SPNS3: variants seen among roughly 807,000 people sequenced by gnomAD.
SPNS3 encodes protein spinster homolog 3.
SPNS3 carries 51 observed loss-of-function variants against 54.4 expected under a neutral mutation model. The ratio of observed to expected loss-of-function variants is 0.94; its 90% confidence interval spans 0.75 to 1.18. The LOEUF is 1.18. Ranked by LOEUF, SPNS3 falls within the 50% of genes most tolerant of loss-of-function variation. The probability of loss-of-function intolerance (pLI) is 0.00; values close to 1 mark genes in which losing one functional copy is unlikely to be tolerated. For missense variants in SPNS3, 669 were observed against 677.4 expected (o/e 0.99, Z 0.14); for synonymous variants, 309 against 294.7 (o/e 1.05, Z -0.50).
intron 8 of SPNS3, among the ~76,000 whole-genome samples, chr17:4,457,707 G>A (rs910280838): frequency 5.3e-5 from 8 of 152,036 alleles, no homozygotes; most frequent in African/African-American, 1.9e-4. Context: ...GGTTCTGGGA[G>A]GTGCTCCTTG....
At position 4,486,416 on chromosome 17, in the gene SPNS3, C is replaced by G. The variant is rs762181224; in HGVS notation, c.1283C>G (p.Ser428Cys). 1.2e-6 allele frequency: 2 copies of G among 1,607,830 alleles called. No individual in the cohort carries two copies. Among genetic ancestry groups the G allele is most frequent in the Non-Finnish European group, 1.7e-6 (2 of 1,176,372 alleles). Reference protein sequence around the residue: ...AGSPYLTGLISSVLRARRPDS... With the variant: ...AGSPYLTGLICSVLRARRPDS... Reference sequence around the variant, plus strand: ...CTCATCCCTTCTCCTCCGCAGATCTCTAGTGTCCTGCGGGCCAGGCGCCCT... The same window carrying G: ...CTCATCCCTTCTCCTCCGCAGATCTGTAGTGTCCTGCGGGCCAGGCGCCCT... The change falls in exon 11 of 12, where the codon TCT becomes TGT. Residue 428 changes from serine to cysteine, a missense_variant. Physicochemically the swap from Ser to Cys is moderately radical, Grantham distance 112. Transcript: ENST00000355530. The surrounding 1 kb of genome is among the most constrained non-coding windows in gnomAD (Gnocchi z 5.5).
chr17:4,487,109 C>G (rs1597349950), intron 11 of SPNS3, among the ~76,000 whole-genome samples: 2 of 136,744 alleles, frequency 1.5e-5, no homozygotes, highest in Non-Finnish European at 3.0e-5. Context: ...GAGGCGGAGG[C>G]TATAGTGAGC....
chr17:4,457,631 G>C (rs139556306), intron 8 of SPNS3, among the ~76,000 whole-genome samples: 1 of 152,308 alleles, frequency 6.6e-6, no homozygotes, highest in South Asian at 2.1e-4. Context: ...CATCAAAGCT[G>C]TCCCTGTACC....
At chr17:4,464,873 G>A (rs1408311290) in intron 8 of SPNS3, among the ~76,000 whole-genome samples, 2 of 151,994 alleles carry the variant, frequency 1.3e-5, no homozygotes, top group Non-Finnish European at 2.9e-5. Context: ...TAGAGATGGG[G>A]TTTCACCATG....
intron 8 of SPNS3, among the ~76,000 whole-genome samples, chr17:4,475,417 C>A (rs1160064295): frequency 1.3e-5 from 2 of 152,162 alleles, no homozygotes; most frequent in East Asian, 3.8e-4. Flanking sequence ...CGGCCATGGG[C>A]AGGAGGAAGA....
At chr17:4,446,235 T>TA in intron 4 of SPNS3, 36 bp downstream of exon 4, 1 of 1,581,350 alleles carries the variant, frequency 6.3e-7, no homozygotes, top group South Asian at 1.1e-5. Flanking sequence ...CCCCAGGTGG[T>TA]AAACTGAGGC....
At chr17:4,475,896 C>T (rs1294791869) in intron 8 of SPNS3, among the ~76,000 whole-genome samples, 1 of 152,204 alleles carries the variant, frequency 6.6e-6, no homozygotes, top group East Asian at 1.9e-4. Context: ...CATGCACTGG[C>T]CTGTGAGGAG....
intron 8 of SPNS3, among the ~76,000 whole-genome samples, chr17:4,456,722 G>GTT (rs1206715763): frequency 7.0e-6 from 1 of 143,254 alleles, no homozygotes; most frequent in African/African-American, 2.6e-5. Flanking sequence ...GTTTTTTTTG[G>GTT]TTTTTTTTTT....
intron 7 of SPNS3, among the ~76,000 whole-genome samples, chr17:4,449,737 G>A (rs1480770398): frequency 5.3e-5 from 8 of 152,018 alleles, no homozygotes; most frequent in Admixed American, 5.2e-4. Flanking sequence ...ACCCTTTAGA[G>A]GGGCCTGTAG....
intron 7 of SPNS3, among the ~76,000 whole-genome samples, chr17:4,449,740 G>A (rs1194833086): frequency 1.3e-5 from 2 of 152,056 alleles, no homozygotes; most frequent in Non-Finnish European, 2.9e-5. Flanking sequence ...CTTTAGAGGG[G>A]CCTGTAGCGT....
At chr17:4,444,404 G>T (rs535791697) in intron 2 of SPNS3, among the ~76,000 whole-genome samples, 58 of 151,072 alleles carry the variant, frequency 3.8e-4, no homozygotes, top group Middle Eastern at 3.4e-3. Flanking sequence ...TTTTTTTTTA[G>T]TAGAGATGGG....
At chr17:4,468,285 AC>A (rs1386859656) in intron 8 of SPNS3, among the ~76,000 whole-genome samples, 1 of 152,212 alleles carries the variant, frequency 6.6e-6, no homozygotes, top group African/African-American at 2.4e-5. Context: ...AATTAAAAAA[AC>A]AAACAAAAAA....
chr17:4,478,750 A>T, intron 9 of SPNS3, 113 bp downstream of exon 9: 2 of 1,012,576 alleles, frequency 2.0e-6, no homozygotes, highest in South Asian at 1.5e-5. Flanking sequence ...ACATTAGGGG[A>T]CCAAAGCCAT....
chr17:4,457,745 C>T (rs1364587705), intron 8 of SPNS3, among the ~76,000 whole-genome samples: 2 of 147,738 alleles, frequency 1.4e-5, no homozygotes, highest in Non-Finnish European at 3.0e-5. Context: ...CAGCTGCCCC[C>T]CCCTCACCCC....
intron 8 of SPNS3, among the ~76,000 whole-genome samples, chr17:4,463,528 G>A (rs914297903): frequency 7.2e-5 from 11 of 151,886 alleles, no homozygotes; most frequent in Admixed American, 7.2e-4. Flanking sequence ...ATGAGTTCGA[G>A]ACCAGCCTGG....
chr17:4,434,947 C>T (rs1384267976), intron 1 of SPNS3, among the ~76,000 whole-genome samples: 6 of 151,808 alleles, frequency 4.0e-5, no homozygotes, highest in African/African-American at 7.3e-5. Flanking sequence ...GGACTACAGG[C>T]GCATACCACC....
chr17:4,463,485 TGGGAG>T (rs369484711), intron 8 of SPNS3, among the ~76,000 whole-genome samples: 103 of 151,536 alleles, frequency 6.8e-4, no homozygotes, highest in African/African-American at 2.1e-3. Context: ...CCCAGCACTT[TGGGAG>T]GTCAAGGTGG....
intron 9 of SPNS3, among the ~76,000 whole-genome samples, chr17:4,478,975 T>A (rs765559298): frequency 3.3e-5 from 5 of 152,058 alleles, no homozygotes; most frequent in Non-Finnish European, 5.9e-5. Flanking sequence ...AGAGTTTCAC[T>A]CTTGTTGCCC....
rs976767291 is a variant in SPNS3 at position 4,448,365 on chromosome 17, T to C, written c.770+62T>C. 21 of 1,411,898 alleles carry C rather than the reference T, an allele frequency of 1.5e-5. No homozygotes were observed. In the Middle Eastern group the frequency reaches 5.6e-4, roughly 38 times the overall value. The allele number at this position is 1,411,898 out of a possible 1,614,324, so 87.5% of individuals were successfully genotyped here. A position where few individuals can be genotyped will look rare whatever the true frequency, so the allele number is the denominator to read the frequency against. On this transcript the variant is annotated intron_variant, in intron 6 of 11. Coordinates refer to ENST00000355530, the MANE Select transcript of SPNS3 (RefSeq NM_182538.5). ...AGCCCGTTTGTCTGCCCCAGCATCA[T>C]TGACCCCCTCTCTCCACCTCCAGGG...
Sources: allele counts gnomAD v4.1 joint callset (sites outside exome capture counted in the v4.1 genomes callset), GRCh38; gene constraint gnomAD v4.1.1; non-coding constraint Gnocchi (gnomAD v3.1); transcripts MANE v1.5; gene names NCBI Gene and HGNC (gene_info 2026-07-23, HGNC 2026-07-21).